The following PUF60 variants were observed in gnomAD, a reference collection of about 807,000 sequenced individuals.
PUF60 encodes the protein poly(U) binding splicing factor 60, also known as poly(U)-binding-splicing factor PUF60.
In PUF60, 10 loss-of-function variants were observed where a neutral mutation model predicts 61.8. The ratio of observed to expected loss-of-function variants is 0.16; its 90% CI spans 0.10 to 0.27. The LOEUF (loss-of-function observed/expected upper bound fraction) is 0.27. PUF60 is among the 10% of genes least tolerant of loss of function. The pLI is 1.00. For missense variants in PUF60, 371 were observed against 754.0 expected (o/e 0.49, Z 5.95); for synonymous variants, 353 against 300.9 (o/e 1.17, Z -1.79).
rs1816275250 is a variant in PUF60 at position 143,816,379 on chromosome 8, CA to C, written c.*140del. Reference sequence around the variant, plus strand: ...GACCGACGGCAGACACACGGACGTTCAGGGCCAGCAGCATCCGCACCTTTAT... The same window carrying C: ...GACCGACGGCAGACACACGGACGTTCGGGCCAGCAGCATCCGCACCTTTAT... On this transcript the variant is annotated 3_prime_UTR_variant, in exon 12 of 12. Transcript: ENST00000526683. The C allele has an allele frequency of 2.1e-6, 2 of 953,064 alleles. No individual in the cohort carries two copies. The highest frequency in any genetic ancestry group is 3.0e-6 in the Non-Finnish European group (2 of 657,378). The allele number at this position is 953,064 out of a possible 1,614,324, so 59.0% of individuals were successfully genotyped here.
intron 1 of PUF60, chr8:143,827,089 G>C (rs2130432407): frequency 3.1e-6 from 1 of 320,658 alleles, no homozygotes; most frequent in South Asian, 2.4e-5. Flanking sequence ...AAGAGAGAAA[G>C]ACGTCTCTCT....
rs755273796 is a variant in PUF60, at chr8:143,817,290, AG to A, written c.1144+40del. The A allele has an allele frequency of 6.4e-7, 1 of 1,564,906 alleles. No homozygotes were observed. Among genetic ancestry groups the A allele is most frequent in the Non-Finnish European group, 8.6e-7 (1 of 1,158,796 alleles). The stretch of plus-strand genomic sequence containing the variant: ...TGAGGGCAGCGAGCCGAGAGATGCC[AG>A]GACAGGAGAGGAGAGGATCTGGTAC... On this transcript the variant is annotated intron_variant, in intron 10 of 11. Transcript: ENST00000526683. This position sits in a 1 kb window ranked among gnomAD's most constrained non-coding sequence, Gnocchi z 7.4.
At position 143,827,911 on chromosome 8, in the gene PUF60, C is replaced by CA. The variant is rs200562435; in HGVS notation, c.24+1368dup. 3.4e-3 allele frequency among the ~76,000 whole-genome samples: 512 copies of CA among 152,294 alleles called. 2 individuals are homozygous for CA. The highest frequency in any genetic ancestry group is 0.012 in the African/African-American group (495 of 41,552). Reference sequence around the variant, plus strand: ...GCGGGTGCTAGGGGAGTCAGGCATCCACTCTCCTCCTCCACCTTCCCATGT... The same window carrying CA: ...GCGGGTGCTAGGGGAGTCAGGCATCCAACTCTCCTCCTCCACCTTCCCATGT... On this transcript the variant is annotated intron_variant, in intron 1 of 11. Transcript: ENST00000526683.
intron 5 of PUF60, chr8:143,820,359 G>GC (rs1336724400): frequency 8.4e-6 from 4 of 477,628 alleles, no homozygotes; most frequent in East Asian, 3.9e-5. Context: ...CCCCGTGCGT[G>GC]CAGGTGGCGT....
intron 4 of PUF60, among the ~76,000 whole-genome samples, chr8:143,821,107 C>T (rs1006949414): frequency 7.9e-5 from 12 of 152,368 alleles, no homozygotes; most frequent in African/African-American, 2.2e-4. Flanking sequence ...TCGCAGCCTC[C>T]GGCCACAGGC....
chr8:143,824,959 C>A (rs1047743157), intron 1 of PUF60: 1 of 156,416 alleles, frequency 6.4e-6, no homozygotes, highest in African/African-American at 2.4e-5. Flanking sequence ...CCAGAGCTGT[C>A]TCGCAGGAGG....
Position 143,821,898 on chromosome 8 carries a change from T to C in PUF60, c.127A>G (p.Lys43Glu). 6.2e-7 allele frequency: 1 copy of C among 1,604,522 alleles called. No individual in the cohort carries two copies. Residue 43 changes from lysine (K) to glutamate (E), a missense_variant, in exon 3 of 12, where the codon AAG (lysine) becomes GAG (glutamate). This residue lies in a region of PUF60 where 69 missense variants were observed against 64.7 expected (regional missense o/e 1.07). Coordinates refer to ENST00000526683, the MANE Select transcript of PUF60 (RefSeq NM_078480.3). ...WKPPQGTDSI[K>E]MENGQSTAAK... ...GCTGTGCTCTGCCCGTTCTCCATCT[T>C]GATGGAGTCTGTGCCCTGGTAAGGG... is the stretch of plus-strand genomic sequence containing the variant.
chr8:143,822,913 A>G (rs756551538), intron 2 of PUF60: 3 of 282,136 alleles, frequency 1.1e-5, no homozygotes, highest in Non-Finnish European at 2.1e-5. Flanking sequence ...GACAGCAGAG[A>G]AGAGAGAAGG....
intron 4 of PUF60, 43 bp from the exon 5 acceptor site, chr8:143,820,759 C>T: frequency 6.4e-7 from 1 of 1,564,042 alleles, no homozygotes; most frequent in Non-Finnish European, 8.8e-7. Context: ...TGGAGCCGAG[C>T]AGTCTCCCGC....
Position 143,824,409 on chromosome 8 carries a change from G to A in PUF60, c.25-10C>T, listed in dbSNP as rs1272122553. On this transcript the variant is annotated splice_polypyrimidine_tract_variant and intron_variant, in intron 1 of 11. Coordinates refer to ENST00000526683, the MANE Select transcript of PUF60 (RefSeq NM_078480.3). ...GCTGGCCATTGACCTGCTGCAGGCA[G>A]GAAGGAGATGTTGTAACGACAGGCA... The A allele has an allele frequency of 1.9e-6, 3 of 1,610,622 alleles. No individual in the cohort carries two copies. The highest frequency in any genetic ancestry group is 2.5e-6 in the Non-Finnish European group (3 of 1,179,662).
At chr8:143,819,891 C>T (rs1213852600) in intron 5 of PUF60, among the ~76,000 whole-genome samples, 1 of 152,170 alleles carries the variant, frequency 6.6e-6, no homozygotes, top group Non-Finnish European at 1.5e-5. Context: ...AGCCCGGGCT[C>T]CCATTCAGAT....
chr8:143,816,586 A>G lies in PUF60; in HGVS notation c.1614T>C (p.Ala538=), dbSNP rs780211428. Reference sequence around the variant, plus strand: ...ACACTTCAGCCACCACCTTGCGGCCAGCAAACCAGCGGCCATTGAGGGCCT... The same window carrying G: ...ACACTTCAGCCACCACCTTGCGGCCGGCAAACCAGCGGCCATTGAGGGCCT... ...AIQALNGRWF[A]GRKVVAEVYD... The change falls in exon 12 of 12, where the codon GCT becomes GCC. Residue 538 remains alanine (A), a synonymous_variant. Transcript: ENST00000526683. The G allele has an allele frequency of 1.2e-6, 2 of 1,613,588 alleles. No individual in the cohort carries two copies. The highest frequency in any genetic ancestry group is 2.2e-5 in the South Asian group (2 of 91,088).
intron 5 of PUF60, chr8:143,820,372 G>A (rs1816877385): frequency 1.9e-6 from 1 of 515,646 alleles, no homozygotes; most frequent in Admixed American, 3.4e-5. Context: ...GGTGGCGTGG[G>A]CGCAGACGGG....
At position 143,816,536 on chromosome 8, in the gene PUF60, C is replaced by T; in HGVS notation, c.1664G>A (p.Ser555Asn). ...GGACCACTGTCACGCAGAGAGGTCA[C>T]TGTTATCAAAACGCTCCTGGTCGTA... is the stretch of plus-strand genomic sequence containing the variant. ...EVYDQERFDN[S>N]DLSA Residue 555 changes from serine to asparagine, a missense_variant, in exon 12 of 12, where the codon AGT becomes AAT. Physicochemically the swap from Ser to Asn is conservative, Grantham distance 46. This residue lies in a region of PUF60 where 17 missense variants were observed against 37.3 expected (regional missense o/e 0.46). Transcript: ENST00000526683. 6.2e-7 allele frequency: 1 copy of T among 1,611,048 alleles called. No homozygotes were observed.
At position 143,816,483 on chromosome 8, in the gene PUF60, C is replaced by G. The variant is rs1563816913; in HGVS notation, c.*37G>C. ...GTATCACTATAAAACCCAGAGGAAA[C>G]AAGGAACAAGTGCAAGTCCGGGGAG... On this transcript the variant is annotated 3_prime_UTR_variant, in exon 12 of 12. Transcript: ENST00000526683. 1 of 1,574,516 alleles carries G rather than the reference C, an allele frequency of 6.4e-7. No individual in the cohort carries two copies. Among genetic ancestry groups the G allele is most frequent in the Non-Finnish European group, 8.6e-7 (1 of 1,161,286 alleles).
At chr8:143,822,378 C>T (rs1190946920) in intron 2 of PUF60, 1 of 409,396 alleles carries the variant, frequency 2.4e-6, no homozygotes, top group African/African-American at 2.0e-5. Flanking sequence ...CTGCCACAGA[C>T]ACAGGCTCAG....
intron 2 of PUF60, 88 bp downstream of exon 2, chr8:143,824,225 C>T: frequency 2.2e-6 from 3 of 1,373,518 alleles, no homozygotes; most frequent in Non-Finnish European, 3.0e-6. Flanking sequence ...CCCAGCCAGC[C>T]CTCTCTGGGC....
chr8:143,826,495 G>A (rs1418673314), intron 1 of PUF60, among the ~76,000 whole-genome samples: 2 of 152,120 alleles, frequency 1.3e-5, no homozygotes, highest in African/African-American at 4.8e-5. Flanking sequence ...CAGGTGGATT[G>A]CTTGAGGTCA....
chr8:143,824,518 G>C, intron 1 of PUF60, 119 bp from the exon 2 acceptor site: 2 of 1,055,438 alleles, frequency 1.9e-6, no homozygotes, highest in Non-Finnish European at 2.8e-6. Flanking sequence ...CAGGCAGGGA[G>C]GCATTCCCGA....
Sources: gnomAD v4.1 joint callset for allele counts (sites outside exome capture counted in the v4.1 genomes callset) on GRCh38, gnomAD v4.1.1 for gene constraint, gnomAD v4.1.1 regional missense constraint, Gnocchi (gnomAD v3.1) non-coding constraint, MANE v1.5 for transcripts, NCBI Gene and HGNC (gene_info 2026-07-23, HGNC 2026-07-21) for gene names.